Variants in CARMIL1 observed in about 807,000 individuals in gnomAD.
CARMIL1 encodes the protein F-actin-uncapping protein LRRC16A.
In CARMIL1, 90 loss-of-function variants were observed where a neutral mutation model predicts 177.1. The observed-to-expected ratio is 0.51, with a 90% CI of 0.43 to 0.61. The LOEUF (loss-of-function observed/expected upper bound fraction) is 0.61. Among genes scored for constraint, CARMIL1 ranks in the 20% least tolerant of loss-of-function variants. The probability of loss-of-function intolerance (pLI) is 0.00; values close to 1 mark genes in which losing one functional copy is unlikely to be tolerated. For missense variants in CARMIL1, 1,380 were observed against 1,667.0 expected (o/e 0.83, Z 3.00); for synonymous variants, 577 against 606.2 (o/e 0.95, Z 0.71).
chr6:25,313,683 G>GCATATATATATATATATATATA lies in CARMIL1; in HGVS notation c.138+28774_138+28775insCATATATATATATATATATATA. Among the ~76,000 whole-genome samples the GCATATATATATATATATATATA allele has an allele frequency of 2.0e-3, 273 of 133,668 alleles. 13 individuals are homozygous for GCATATATATATATATATATATA. The highest frequency in any genetic ancestry group is 3.8e-3 in the Middle Eastern group (1 of 262). 87.7% of individuals were successfully genotyped at this position (133,668 alleles called of 152,430 possible). ...TAAAGATCTTTACCCAGGGAAGGCT[G>GCATATATATATATATATATATA]TATATATACAGTTATTTGGGAGAAA... On this transcript the variant is annotated intron_variant, in intron 2 of 36. Transcript: ENST00000329474.
chr6:25,299,116 G>T (rs575769515), intron 2 of CARMIL1, among the ~76,000 whole-genome samples: 1 of 151,312 alleles, frequency 6.6e-6, no homozygotes, highest in East Asian at 2.0e-4. Context: ...GAGTTCATTG[G>T]TGTGTGTGGC....
chr6:25,556,971 A>T, intron 29 of CARMIL1, 121 bp downstream of exon 29: 38 of 1,027,748 alleles, frequency 3.7e-5, no homozygotes. Context: ...CCCCACCCTC[A>T]GACAATTCTT....
intron 11 of CARMIL1, among the ~76,000 whole-genome samples, chr6:25,478,104 T>C (rs960398545): frequency 6.6e-6 from 1 of 152,122 alleles, no homozygotes; most frequent in African/African-American, 2.4e-5. Flanking sequence ...ATTCGATTAT[T>C]TCATTTAGAC....
At chr6:25,449,764 T>G in intron 5 of CARMIL1, 134 bp from the exon 6 acceptor site, 1 of 546,906 alleles carries the variant, frequency 1.8e-6, no homozygotes, top group Non-Finnish European at 3.3e-6. Flanking sequence ...AATTGAAAAT[T>G]GAAAAATTGA....
At position 25,449,895 on chromosome 6, in the gene CARMIL1, C is replaced by CAGGAG; in HGVS notation, c.372-1_375dup. On this transcript the variant is annotated splice_region_variant and splice_polypyrimidine_tract_variant and intron_variant, in intron 5 of 36. Coordinates refer to ENST00000329474, the MANE Select transcript of CARMIL1 (RefSeq NM_017640.6). The stretch of plus-strand genomic sequence containing the variant: ...AAATGTGTTGTTGTTGTTGATCTTA[C>CAGGAG]AGGAGAATCATGAAAAAAGTCTCCA... The CAGGAG allele has an allele frequency of 6.3e-7, 1 of 1,584,438 alleles. No homozygotes were observed. Among genetic ancestry groups the CAGGAG allele is most frequent in the Non-Finnish European group, 8.6e-7 (1 of 1,158,348 alleles).
At chr6:25,436,632 GC>G (rs1478024995) in intron 5 of CARMIL1, among the ~76,000 whole-genome samples, 3 of 152,206 alleles carry the variant, frequency 2.0e-5, no homozygotes, top group Non-Finnish European at 4.4e-5. Context: ...GCCTTAAGAG[GC>G]CTGCTCAGTT....
At chr6:25,576,070 A>G (rs3827504) in intron 29 of CARMIL1, among the ~76,000 whole-genome samples, 19 of 152,274 alleles carry the variant, frequency 1.2e-4, no homozygotes, top group Non-Finnish European at 2.4e-4. Flanking sequence ...GCATTCTACA[A>G]CTGGACTTCT....
At chr6:25,486,638 C>CT (rs1168787989) in intron 12 of CARMIL1, among the ~76,000 whole-genome samples, 9 of 152,096 alleles carry the variant, frequency 5.9e-5, no homozygotes, top group African/African-American at 1.9e-4. Context: ...AGAAAATAAC[C>CT]TTTTTTTATA....
At chr6:25,612,637 G>A in intron 36 of CARMIL1, 1 of 541,954 alleles carries the variant, frequency 1.8e-6, no homozygotes. Flanking sequence ...AGTGGGGTGG[G>A]TAAGCTGATA....
At chr6:25,314,709 A>G (rs941887030) in intron 2 of CARMIL1, among the ~76,000 whole-genome samples, 5 of 152,086 alleles carry the variant, frequency 3.3e-5, no homozygotes, top group Admixed American at 2.6e-4. Flanking sequence ...TCAGATATTT[A>G]CCAACAGTTG....
rs145389463 is a variant in CARMIL1 at position 25,598,698 on chromosome 6, T to C, written c.3120-1616T>C. Among the ~76,000 whole-genome samples, 518 of 152,340 alleles carry C rather than the reference T, an allele frequency of 3.4e-3. 5 individuals are homozygous for C. Among genetic ancestry groups the C allele is most frequent in the Middle Eastern group, 0.017 (5 of 294 alleles). On this transcript the variant is annotated intron_variant, in intron 32 of 36. Transcript: ENST00000329474. The stretch of plus-strand genomic sequence containing the variant: ...CTTCTGCTATCACATTTTGCTATTA[T>C]TCATGTTGGTGGATGCAATATTTTT...
In CARMIL1 at chr6:25,581,420, A is replaced by G; in HGVS notation, c.2987A>G (p.Gln996Arg). The G allele has an allele frequency of 6.2e-7, 1 of 1,611,962 alleles. No homozygotes were observed. Among genetic ancestry groups the G allele is most frequent in the Non-Finnish European group, 8.5e-7 (1 of 1,178,872 alleles). Reference protein sequence around the residue: ...TKLRPKRNKKQQPTQAAVCAA... With the variant: ...TKLRPKRNKKRQPTQAAVCAA... ...TTAAGGCCAAAAAGGAATAAGAAGC[A>G]GCAACCCACCCAAGCAGCGGTAGGT... is the stretch of plus-strand genomic sequence containing the variant. Residue 996 changes from glutamine (Q) to arginine (R), a missense_variant, in exon 31 of 37, where the codon CAG (glutamine) becomes CGG (arginine). Physicochemically the swap from Gln to Arg is conservative, Grantham distance 43. Transcript: ENST00000329474.
chr6:25,391,278 A>C (rs1256723145), intron 2 of CARMIL1, among the ~76,000 whole-genome samples: 1 of 152,150 alleles, frequency 6.6e-6, no homozygotes, highest in Non-Finnish European at 1.5e-5. Context: ...TTTTCTATAC[A>C]TGTCATCTTT....
intron 11 of CARMIL1, chr6:25,479,033 C>T (rs933638595): frequency 1.9e-5 from 9 of 478,142 alleles, no homozygotes; most frequent in African/African-American, 1.8e-4. Context: ...AATTTTTACT[C>T]ACCTGTGCTC....
chr6:25,450,475 G>T, intron 7 of CARMIL1, 66 bp downstream of exon 7: 1 of 1,406,216 alleles, frequency 7.1e-7, no homozygotes, highest in South Asian at 1.2e-5. Flanking sequence ...ATGTTTGGCT[G>T]GCTTGTTTTT....
At chr6:25,569,575 C>G (rs184850234) in intron 29 of CARMIL1, among the ~76,000 whole-genome samples, 3 of 152,296 alleles carry the variant, frequency 2.0e-5, no homozygotes, top group East Asian at 3.9e-4. Context: ...TTTCTTAAAG[C>G]AGTAAAATAA....
At chr6:25,477,852 C>CTTTTTTTTTTTTTT (rs56068417) in intron 11 of CARMIL1, among the ~76,000 whole-genome samples, 1 of 98,022 alleles carries the variant, frequency 1.0e-5, no homozygotes, top group Non-Finnish European at 1.9e-5. Context: ...CTTCTCATCA[C>CTTTTTTTTTTTTTT]TTTTTTTTTT....
intron 4 of CARMIL1, among the ~76,000 whole-genome samples, chr6:25,433,545 T>C (rs367860593): frequency 6.6e-6 from 1 of 152,340 alleles, no homozygotes; most frequent in East Asian, 1.9e-4. Context: ...TACTGGGTTG[T>C]TTAGCCTCCA....
At chr6:25,296,964 TAA>T (rs1782453651) in intron 2 of CARMIL1, among the ~76,000 whole-genome samples, 1 of 149,838 alleles carries the variant, frequency 6.7e-6, no homozygotes, top group Non-Finnish European at 1.5e-5. Context: ...ACTAACTAAC[TAA>T]AGCATTTTAA....
Sources: gnomAD v4.1 joint callset for allele counts (sites outside exome capture counted in the v4.1 genomes callset) on GRCh38, gnomAD v4.1.1 for gene constraint, MANE v1.5 for transcripts, NCBI Gene and HGNC (gene_info 2026-07-23, HGNC 2026-07-21) for gene names.